The following ACBD7 variants were observed in gnomAD, a reference collection of about 807,000 sequenced individuals.
ACBD7 encodes the protein acyl-CoA-binding domain-containing protein 7.
Under a neutral mutation model 13.7 loss-of-function variants are expected in ACBD7, and 11 were observed. The ratio of observed to expected loss-of-function variants is 0.80; its 90% CI spans 0.50 to 1.33. The LOEUF (loss-of-function observed/expected upper bound fraction) is 1.33. Among genes scored for constraint, ACBD7 ranks in the 40% most tolerant of loss-of-function variants. The probability of loss-of-function intolerance (pLI) is 0.00; values close to 1 mark genes in which losing one functional copy is unlikely to be tolerated. For synonymous variants in ACBD7, 43 were observed against 37.7 expected, an observed-to-expected ratio of 1.14 and a Z score of -0.51; for missense variants, 111 against 103.0, an observed-to-expected ratio of 1.08 and a Z score of -0.33.
chr10:15,083,317 G>C (rs72774374), intron 1 of ACBD7, among the ~76,000 whole-genome samples: 6,498 of 152,262 alleles, frequency 0.043, 230 homozygotes, highest in East Asian at 0.06. Flanking sequence ...ATGATGAGCT[G>C]GAGTACAAAC....
At chr10:15,083,367 G>C (rs1177952217) in intron 1 of ACBD7, among the ~76,000 whole-genome samples, 3 of 152,222 alleles carry the variant, frequency 2.0e-5, no homozygotes, top group African/African-American at 4.8e-5. Context: ...TTGACTTCCA[G>C]CTTTGAGACA....
chr10:15,088,018 A>T (rs1217902417), intron 1 of ACBD7, among the ~76,000 whole-genome samples: 3 of 152,306 alleles, frequency 2.0e-5, no homozygotes, highest in Non-Finnish European at 4.4e-5. Context: ...AAAGAAAAAT[A>T]AAATTACATT....
At chr10:15,081,653 C>A (rs1420368803) in intron 1 of ACBD7, among the ~76,000 whole-genome samples, 1 of 152,166 alleles carries the variant, frequency 6.6e-6, no homozygotes, top group African/African-American at 2.4e-5. Context: ...CTCTTCTCTC[C>A]CAGTTTATCT....
chr10:15,081,853 C>T (rs190696105), intron 1 of ACBD7, among the ~76,000 whole-genome samples: 4 of 152,292 alleles, frequency 2.6e-5, no homozygotes, highest in East Asian at 1.9e-4. Flanking sequence ...CTGAGAAGCA[C>T]GGGGCATGGA....
At position 15,076,240 on chromosome 10, in the gene ACBD7, A is replaced by G; in HGVS notation, c.*2290T>C. 1.0e-6 allele frequency: 1 copy of G among 985,272 alleles called. No homozygotes were observed. Among genetic ancestry groups the G allele is most frequent in the Non-Finnish European group, 1.2e-6 (1 of 829,914 alleles). 61.0% of individuals were successfully genotyped at this position (985,272 alleles called of 1,614,324 possible). A position where few individuals can be genotyped will look rare whatever the true frequency, so the allele number is the denominator to read the frequency against. On this transcript the variant is annotated 3_prime_UTR_variant, in exon 4 of 4. Transcript: ENST00000356189. ...TAAGGGATCTCAAACAATTTTTTGA[A>G]TTGTTAACATGAGACTGTCTTCTTT...
chr10:15,085,830 A>G (rs543964635), intron 1 of ACBD7, among the ~76,000 whole-genome samples: 17 of 152,328 alleles, frequency 1.1e-4, no homozygotes, highest in African/African-American at 4.1e-4. Flanking sequence ...GTCTGCCAGT[A>G]TACTTATTCT....
chr10:15,087,407 G>C (rs892967958), intron 1 of ACBD7, among the ~76,000 whole-genome samples: 1 of 152,182 alleles, frequency 6.6e-6, no homozygotes, highest in African/African-American at 2.4e-5. Context: ...ACAACTTTAC[G>C]CAGGATAACG....
In ACBD7 at chr10:15,080,315, C is replaced by A. The variant is rs373091445; in HGVS notation, c.13-1275G>T. ...TGTACTTAAGCCTGGTGTGGTGGCT[C>A]ATGCCTGTAATCCTAGCACTTTGGG... is the stretch of plus-strand genomic sequence containing the variant. On this transcript the variant is annotated intron_variant, in intron 1 of 3. Transcript: ENST00000356189. Among the ~76,000 whole-genome samples, 331 of 152,262 alleles carry A rather than the reference C, an allele frequency of 2.2e-3. 2 individuals are homozygous for A. Among genetic ancestry groups the A allele is most frequent in the African/African-American group, 7.6e-3 (314 of 41,556 alleles).
At chr10:15,083,765 G>A (rs1309871024) in intron 1 of ACBD7, among the ~76,000 whole-genome samples, 2 of 152,238 alleles carry the variant, frequency 1.3e-5, no homozygotes, top group African/African-American at 4.8e-5. Context: ...TTACAGGCGT[G>A]AGCCACGATG....
intron 1 of ACBD7, among the ~76,000 whole-genome samples, chr10:15,088,127 T>C (rs1844830666): frequency 6.6e-6 from 1 of 152,102 alleles, no homozygotes; most frequent in African/African-American, 2.4e-5. Context: ...TGTAGATATA[T>C]GCCACACACA....
chr10:15,088,665 C>T, intron 1 of ACBD7, 52 bp downstream of exon 1: 2 of 1,584,406 alleles, frequency 1.3e-6, no homozygotes, highest in Middle Eastern at 1.7e-4. Flanking sequence ...CCCACTTAAG[C>T]ACTCCCCTCG....
At chr10:15,081,912 G>A (rs1037474421) in intron 1 of ACBD7, among the ~76,000 whole-genome samples, 6 of 152,130 alleles carry the variant, frequency 3.9e-5, no homozygotes, top group Admixed American at 3.3e-4. Flanking sequence ...ACTCTTGGCT[G>A]CTTTATACAT....
chr10:15,087,350 A>G (rs1356858523), intron 1 of ACBD7, among the ~76,000 whole-genome samples: 1 of 152,256 alleles, frequency 6.6e-6, no homozygotes, highest in Non-Finnish European at 1.5e-5. Flanking sequence ...CAGGCTAAGT[A>G]GAAGTGAGGC....
At position 15,088,725 on chromosome 10, in the gene ACBD7, C is replaced by T. The variant is rs1032081212; in HGVS notation, c.4G>A (p.Ala2Thr). 1.9e-6 allele frequency: 3 copies of T among 1,598,876 alleles called. No individual in the cohort carries two copies. The highest frequency in any genetic ancestry group is 1.7e-6 in the Non-Finnish European group (2 of 1,175,754). M[A>T]LQADFDRAAE... ...CCCCGCGCCCCGGGTACCTGCAGGG[C>T]CATGGTGGCGGCTGCCGCGTTGTTG... The change falls in exon 1 of 4, where the codon GCC becomes ACC. Residue 2 changes from alanine (A) to threonine (T), a missense_variant. Physicochemically the swap from Ala to Thr is moderately conservative, Grantham distance 58. Coordinates refer to ENST00000356189, the MANE Select transcript of ACBD7 (RefSeq NM_001039844.3).
chr10:15,076,304 G>T lies in ACBD7; in HGVS notation c.*2226C>A, dbSNP rs1409750658. On this transcript the variant is annotated 3_prime_UTR_variant, in exon 4 of 4. Coordinates refer to ENST00000356189, the MANE Select transcript of ACBD7 (RefSeq NM_001039844.3). ...TACCATCCAGAAAGACTGAGTAGGG[G>T]GCCAATATTATATTCCAGACTCTAT... is the stretch of plus-strand genomic sequence containing the variant. 1 of 984,856 alleles carries T rather than the reference G, an allele frequency of 1.0e-6. No individual in the cohort carries two copies. Among genetic ancestry groups the T allele is most frequent in the East Asian group, 1.1e-4 (1 of 8,822 alleles). 61.0% of individuals were successfully genotyped at this position (984,856 alleles called of 1,614,324 possible). A position where few individuals can be genotyped will look rare whatever the true frequency, so the allele number is the denominator to read the frequency against.
Position 15,078,268 on chromosome 10 carries a change from C to T in ACBD7, c.*262G>A. ...TCCATGTCCCTGCAAAGGACATGAACTCATCCCTTTTTATGGCTCCATAGT... is the reference window on the plus strand; with the variant it reads ...TCCATGTCCCTGCAAAGGACATGAATTCATCCCTTTTTATGGCTCCATAGT... On this transcript the variant is annotated 3_prime_UTR_variant, in exon 4 of 4. Coordinates refer to ENST00000356189, the MANE Select transcript of ACBD7 (RefSeq NM_001039844.3). The T allele has an allele frequency of 9.2e-7, 1 of 1,081,414 alleles. No homozygotes were observed. Among genetic ancestry groups the T allele is most frequent in the Non-Finnish European group, 1.2e-6 (1 of 839,138 alleles). The allele number at this position is 1,081,414 out of a possible 1,614,324, so 67.0% of individuals were successfully genotyped here.
intron 1 of ACBD7, 94 bp downstream of exon 1, chr10:15,088,623 C>A: frequency 6.6e-7 from 1 of 1,504,626 alleles, no homozygotes; most frequent in South Asian, 1.2e-5. Flanking sequence ...TCACCGCCGA[C>A]CGCTCCCAGG....
chr10:15,075,780 C>A lies in ACBD7; in HGVS notation c.*2750G>T, dbSNP rs995966950. 6.6e-6 allele frequency among the ~76,000 whole-genome samples: 1 copy of A among 152,042 alleles called. No homozygotes were observed. Among genetic ancestry groups the A allele is most frequent in the African/African-American group, 2.4e-5 (1 of 41,412 alleles). On this transcript the variant is annotated 3_prime_UTR_variant, in exon 4 of 4. Transcript: ENST00000356189. ...CCTCAGATCAGGAGTTCCAGACCAG[C>A]CTGGGCAACATGGTGAAACCCTGTC...
At chr10:15,085,253 C>T (rs1157739148) in intron 1 of ACBD7, among the ~76,000 whole-genome samples, 2 of 152,238 alleles carry the variant, frequency 1.3e-5, no homozygotes, top group East Asian at 1.9e-4. Flanking sequence ...TGACACTAGG[C>T]TCCCTCACCC....
Sources: gnomAD v4.1 joint callset for allele counts (sites outside exome capture counted in the v4.1 genomes callset) on GRCh38, gnomAD v4.1.1 for gene constraint, MANE v1.5 for transcripts, NCBI Gene and HGNC (gene_info 2026-07-23, HGNC 2026-07-21) for gene names.